The following FNDC3B variants were observed in gnomAD, a reference collection of about 807,000 sequenced individuals.
FNDC3B encodes the protein fibronectin type III domain containing 3B.
A neutral mutation model predicts 151.5 loss-of-function variants in FNDC3B; 12 were observed. The ratio of observed to expected loss-of-function variants is 0.08; its 90% confidence interval spans 0.05 to 0.13. The LOEUF (loss-of-function observed/expected upper bound fraction) is 0.13, where lower values mean the gene tolerates loss of function less well. FNDC3B is among the 10% of genes least tolerant of loss of function. The probability of loss-of-function intolerance (pLI) is 1.00; values close to 1 mark genes in which losing one functional copy is unlikely to be tolerated. For synonymous variants in FNDC3B, 528 were observed against 549.0 expected (o/e 0.96, Z 0.54); for missense variants, 1,214 against 1,505.3 (o/e 0.81, Z 3.20).
At position 172,329,073 on chromosome 3, in the gene FNDC3B, C is replaced by G; in HGVS notation, c.1376C>G (p.Thr459Ser). The G allele has an allele frequency of 6.2e-7, 1 of 1,611,230 alleles. No homozygotes were observed. ...FRLAARNDIGTSGYSQEVVCY... is the reference protein window; with the variant it reads ...FRLAARNDIGSSGYSQEVVCY... ...CTGGCCGCTCGAAACGACATTGGTA[C>G]CAGGTATGACGTTTCCTTGTCCTCT... is the stretch of plus-strand genomic sequence containing the variant. The change falls in exon 12 of 26, where the codon ACC (threonine) becomes AGC (serine). Residue 459 changes from threonine (T) to serine (S), a missense_variant. Coordinates refer to ENST00000415807, the MANE Select transcript of FNDC3B (RefSeq NM_022763.4).
chr3:172,084,675 G>A (rs1346669634), intron 1 of FNDC3B, among the ~76,000 whole-genome samples: 1 of 152,210 alleles, frequency 6.6e-6, no homozygotes, highest in Non-Finnish European at 1.5e-5. Flanking sequence ...TAACGAAACT[G>A]AGACATTCAA....
At chr3:172,189,372 C>G (rs1479536309) in intron 3 of FNDC3B, among the ~76,000 whole-genome samples, 1 of 152,152 alleles carries the variant, frequency 6.6e-6, no homozygotes, top group Non-Finnish European at 1.5e-5. Flanking sequence ...AGCTAATTAC[C>G]TGCTTTTCAT....
Position 172,330,705 on chromosome 3 carries a change from A to G in FNDC3B, c.1544A>G (p.Glu515Gly). The change falls in exon 13 of 26, where the codon GAG becomes GGG. Residue 515 changes from glutamate to glycine, a missense_variant. By Grantham distance (98) the Glu-to-Gly change is moderately conservative. Coordinates refer to ENST00000415807, the MANE Select transcript of FNDC3B (RefSeq NM_022763.4). ...ATCACCTACACCTTGGAAATTCAGG[A>G]GGATGAAAATGTGAGTTTTACAGAT... ...EVITYTLEIQ[E>G]DENDNLFHPK... 6.2e-7 allele frequency: 1 copy of G among 1,612,804 alleles called. No homozygotes were observed. Among genetic ancestry groups the G allele is most frequent in the Non-Finnish European group, 8.5e-7 (1 of 1,179,086 alleles).
chr3:172,111,673 AAGAATG>A (rs1290791402), intron 1 of FNDC3B, among the ~76,000 whole-genome samples: 6 of 152,186 alleles, frequency 3.9e-5, no homozygotes, highest in African/African-American at 1.4e-4. Context: ...GGACGTGTTT[AAGAATG>A]AGAATAAGTA....
Position 172,251,484 on chromosome 3 carries a change from A to G in FNDC3B, c.733A>G (p.Lys245Glu). Residue 245 changes from lysine to glutamate, a missense_variant, in exon 6 of 26, where the codon AAG (lysine) becomes GAG (glutamate). Transcript: ENST00000415807. ...CGGCAGCGGTAGTGGTCCCGGAATT[A>G]AGAAAACAGAGCGACGAGCAAGAAG... ...GGGSGSGPGIKKTERRARSSP... is the reference protein window; with the variant it reads ...GGGSGSGPGIEKTERRARSSP... The G allele has an allele frequency of 6.2e-7, 1 of 1,614,124 alleles. No homozygotes were observed.
intron 25 of FNDC3B, among the ~76,000 whole-genome samples, chr3:172,396,204 G>A (rs1049783506): frequency 2.0e-5 from 3 of 152,174 alleles, no homozygotes; most frequent in Admixed American, 6.5e-5. Flanking sequence ...AACTACTACC[G>A]AATAGCTCGA....
At chr3:172,213,507 G>GTA (rs1255292074) in intron 3 of FNDC3B, among the ~76,000 whole-genome samples, 3 of 152,200 alleles carry the variant, frequency 2.0e-5, no homozygotes, top group African/African-American at 7.2e-5. Context: ...AAAGGGAGGA[G>GTA]TATAATCCTA....
chr3:172,230,291 G>A (rs112514542), intron 4 of FNDC3B, among the ~76,000 whole-genome samples: 180 of 150,092 alleles, frequency 1.2e-3, no homozygotes, highest in African/African-American at 4.2e-3. Context: ...TCTGAAGTTC[G>A]AGACCAGCCT....
intron 3 of FNDC3B, among the ~76,000 whole-genome samples, chr3:172,164,245 A>G (rs1452289590): frequency 6.6e-6 from 1 of 152,218 alleles, no homozygotes; most frequent in Non-Finnish European, 1.5e-5. Context: ...TTTAAAATTT[A>G]TGGAATTGCT....
At chr3:172,199,793 T>A (rs1009644747) in intron 3 of FNDC3B, among the ~76,000 whole-genome samples, 1 of 152,168 alleles carries the variant, frequency 6.6e-6, no homozygotes, top group Non-Finnish European at 1.5e-5. Flanking sequence ...GACAATTATT[T>A]ACCCAGTGAG....
At chr3:172,380,837 C>A in intron 24 of FNDC3B, 129 bp from the exon 25 acceptor site, 1 of 1,008,364 alleles carries the variant, frequency 9.9e-7, no homozygotes, top group Admixed American at 2.0e-5. Flanking sequence ...CTGGGCAAAT[C>A]AGCTCCTCTC....
At chr3:172,165,499 A>T (rs1033900761) in intron 3 of FNDC3B, among the ~76,000 whole-genome samples, 3 of 152,172 alleles carry the variant, frequency 2.0e-5, no homozygotes, top group African/African-American at 7.2e-5. Context: ...TGGTTGTGTG[A>T]TTGAATATGT....
chr3:172,069,530 A>G (rs1406719988), intron 1 of FNDC3B, among the ~76,000 whole-genome samples: 4 of 152,170 alleles, frequency 2.6e-5, no homozygotes, highest in African/African-American at 7.2e-5. Flanking sequence ...GGTTTGTTAC[A>G]TAGGTGAATG....
chr3:172,191,228 C>T (rs973876174), intron 3 of FNDC3B, among the ~76,000 whole-genome samples: 1 of 152,038 alleles, frequency 6.6e-6, no homozygotes, highest in Non-Finnish European at 1.5e-5. Context: ...TTTTTGTGCA[C>T]GTGCTCATGA....
intron 4 of FNDC3B, among the ~76,000 whole-genome samples, chr3:172,246,809 G>T (rs1727802557): frequency 6.6e-6 from 1 of 152,208 alleles, no homozygotes; most frequent in Non-Finnish European, 1.5e-5. Flanking sequence ...ATAGAGTGTT[G>T]ATTGGCTTGC....
chr3:172,273,037 C>T lies in FNDC3B; in HGVS notation c.791-12889C>T, dbSNP rs565602147. ...CCTGGACTGTAACTCTGGGCAAGTA[C>T]GATCGTTTAATTGTTGGAGATGATG... On this transcript the variant is annotated intron_variant, in intron 6 of 25. Coordinates refer to ENST00000415807, the MANE Select transcript of FNDC3B (RefSeq NM_022763.4). 1.2e-4 allele frequency among the ~76,000 whole-genome samples: 18 copies of T among 152,262 alleles called. No individual in the cohort carries two copies. In the East Asian group the frequency reaches 3.1e-3, roughly 26 times the overall value.
chr3:172,079,900 C>CTGT (rs1559956567), intron 1 of FNDC3B, among the ~76,000 whole-genome samples: 4 of 151,384 alleles, frequency 2.6e-5, no homozygotes, highest in Non-Finnish European at 4.4e-5. Flanking sequence ...TAACTGAAAC[C>CTGT]CTATGAGGCT....
At chr3:172,136,611 T>C (rs1721377967) in intron 3 of FNDC3B, among the ~76,000 whole-genome samples, 1 of 152,184 alleles carries the variant, frequency 6.6e-6, no homozygotes, top group Non-Finnish European at 1.5e-5. Context: ...ATGGTCACAT[T>C]GTAATGGAAA....
chr3:172,359,508 C>T (rs1015814093), intron 22 of FNDC3B, among the ~76,000 whole-genome samples: 2 of 152,028 alleles, frequency 1.3e-5, no homozygotes, highest in African/African-American at 4.8e-5. Context: ...TAATATAAAC[C>T]TTGTAGGTGA....
Sources: allele counts gnomAD v4.1 joint callset (sites outside exome capture counted in the v4.1 genomes callset), GRCh38; gene constraint gnomAD v4.1.1; transcripts MANE v1.5; gene names NCBI Gene and HGNC (gene_info 2026-07-23, HGNC 2026-07-21).